TCERG1L: variants seen among roughly 807,000 people sequenced by gnomAD.
TCERG1L encodes the protein transcription elongation regulator 1 like.
TCERG1L carries 37 observed loss-of-function variants against 56.3 expected under a neutral mutation model. The observed-to-expected ratio is 0.66, with a 90% CI of 0.51 to 0.87. TCERG1L has a LOEUF of 0.87. TCERG1L is among the 40% of genes least tolerant of loss of function. The probability of loss-of-function intolerance (pLI) is 0.00; values close to 1 mark genes in which losing one functional copy is unlikely to be tolerated. For synonymous variants in TCERG1L, 324 were observed against 326.3 expected, an observed-to-expected ratio of 0.99 and a Z score of 0.08; for missense variants, 799 against 774.2, an observed-to-expected ratio of 1.03 and a Z score of -0.38.
At chr10:131,166,720 C>G (rs1435544019) in intron 5 of TCERG1L, 77 bp downstream of exon 5, 3 of 1,401,692 alleles carry the variant, frequency 2.1e-6, no homozygotes, top group South Asian at 2.4e-5. Flanking sequence ...AGCAAACAAG[C>G]GTGAGGGTGT....
intron 7 of TCERG1L, among the ~76,000 whole-genome samples, chr10:131,134,837 C>T (rs1845657527): frequency 6.6e-6 from 1 of 152,134 alleles, no homozygotes; most frequent in Admixed American, 6.5e-5. Flanking sequence ...CGGCCACTGC[C>T]CCAGGGAAGG....
rs1846297092 is a variant in TCERG1L, at chr10:131,267,225, G to A, written c.671-6781C>T. On this transcript the variant is annotated intron_variant, in intron 3 of 11. Transcript: ENST00000368642. This position sits in a 1 kb window ranked among gnomAD's most constrained non-coding sequence, Gnocchi z 4.9. ...TTGGTGCCCAAAGTCCAGAGAATCT[G>A]AGGCAGCAGGGCACTGCACATGAGC... is the stretch of plus-strand genomic sequence containing the variant. Among the ~76,000 whole-genome samples the A allele has an allele frequency of 6.6e-6, 1 of 152,140 alleles. No individual in the cohort carries two copies. The highest frequency in any genetic ancestry group is 6.5e-5 in the Admixed American group (1 of 15,284).
intron 4 of TCERG1L, among the ~76,000 whole-genome samples, chr10:131,225,475 G>A (rs1338598782): frequency 6.6e-6 from 1 of 152,158 alleles, no homozygotes; most frequent in African/African-American, 2.4e-5. Flanking sequence ...AAGGTATCCA[G>A]GACACCAGCT....
At chr10:131,171,336 C>G (rs899648205) in intron 4 of TCERG1L, among the ~76,000 whole-genome samples, 1 of 152,102 alleles carries the variant, frequency 6.6e-6, no homozygotes, top group African/African-American at 2.4e-5. Flanking sequence ...GTGCCTGACC[C>G]GGGGTCAGGG....
chr10:131,229,584 C>T (rs1478270328), intron 4 of TCERG1L, among the ~76,000 whole-genome samples: 4 of 152,100 alleles, frequency 2.6e-5, no homozygotes, highest in African/African-American at 7.2e-5. Flanking sequence ...TACCAATTAG[C>T]GCAGCCATCA....
chr10:131,109,897 G>T (rs935808187), intron 9 of TCERG1L, among the ~76,000 whole-genome samples: 1 of 152,266 alleles, frequency 6.6e-6, no homozygotes, highest in Non-Finnish European at 1.5e-5. Context: ...AGAGGAGGCG[G>T]TGTGGATGCA....
chr10:131,143,271 C>T lies in TCERG1L; in HGVS notation c.1189+3235G>A, dbSNP rs909725178. Among the ~76,000 whole-genome samples, 5 of 152,262 alleles carry T rather than the reference C, an allele frequency of 3.3e-5. No homozygotes were observed. In the South Asian group the frequency reaches 6.2e-4, roughly 19 times the overall value. On this transcript the variant is annotated intron_variant, in intron 7 of 11. Coordinates refer to ENST00000368642, the MANE Select transcript of TCERG1L (RefSeq NM_174937.4). ...TGCACGCACCCAGGGTCCCTGCAGG[C>T]GGTCCCTCCCCTCTCCAAGGCAGTG...
At chr10:131,253,357 T>G (rs1417130506) in intron 4 of TCERG1L, among the ~76,000 whole-genome samples, 1 of 151,970 alleles carries the variant, frequency 6.6e-6, no homozygotes, top group Non-Finnish European at 1.5e-5. Flanking sequence ...TTAGGTAAAC[T>G]GGTCTTCAGT....
intron 4 of TCERG1L, among the ~76,000 whole-genome samples, chr10:131,233,091 G>A (rs1027048654): frequency 7.9e-5 from 12 of 152,314 alleles, no homozygotes; most frequent in South Asian, 2.1e-4. Flanking sequence ...CGATGTTAGC[G>A]TATGTGAGGC....
At chr10:131,185,954 T>C (rs923755300) in intron 4 of TCERG1L, among the ~76,000 whole-genome samples, 2 of 152,170 alleles carry the variant, frequency 1.3e-5, no homozygotes, top group Admixed American at 6.5e-5. Context: ...GTGGACGTAA[T>C]GTACATGAGC....
intron 8 of TCERG1L, 31 bp downstream of exon 8, chr10:131,134,348 A>C: frequency 1.3e-6 from 2 of 1,558,778 alleles, no homozygotes; most frequent in Non-Finnish European, 1.7e-6. Context: ...CAGTAGGGAA[A>C]GATCTGCTGG....
chr10:131,220,763 G>A (rs184800819), intron 4 of TCERG1L, among the ~76,000 whole-genome samples: 2 of 152,302 alleles, frequency 1.3e-5, no homozygotes, highest in East Asian at 1.9e-4. Flanking sequence ...CTGCAAAGCT[G>A]CCCAAACCCT....
At chr10:131,116,177 G>A (rs1056881964) in intron 9 of TCERG1L, among the ~76,000 whole-genome samples, 1 of 152,208 alleles carries the variant, frequency 6.6e-6, no homozygotes, top group African/African-American at 2.4e-5. Context: ...AAGGAGATCT[G>A]AATACAAAAT....
intron 5 of TCERG1L, among the ~76,000 whole-genome samples, chr10:131,164,445 T>C (rs1285928066): frequency 6.6e-6 from 1 of 152,146 alleles, no homozygotes; most frequent in African/African-American, 2.4e-5. Context: ...AGTAGAACCA[T>C]ATATCACAAA....
At position 131,228,503 on chromosome 10, in the gene TCERG1L, T is replaced by C. The variant is rs188264248; in HGVS notation, c.856+31756A>G. On this transcript the variant is annotated intron_variant, in intron 4 of 11. Coordinates refer to ENST00000368642, the MANE Select transcript of TCERG1L (RefSeq NM_174937.4). ...TCCAGACAGGCATTTCCTCAAGGTC[T>C]CTGGAGTCTCCACTCCAGAAAGGCA... Among the ~76,000 whole-genome samples the C allele has an allele frequency of 2.0e-3, 56 of 27,894 alleles. 1 individual carries two copies. Among genetic ancestry groups the C allele is most frequent in the Non-Finnish European group, 3.4e-3 (51 of 15,022 alleles). 18.3% of individuals were successfully genotyped at this position (27,894 alleles called of 152,430 possible). A position where few individuals can be genotyped will look rare whatever the true frequency, so the allele number is the denominator to read the frequency against.
intron 9 of TCERG1L, among the ~76,000 whole-genome samples, chr10:131,115,014 C>T (rs1845442432): frequency 6.6e-6 from 1 of 152,250 alleles, no homozygotes; most frequent in African/African-American, 2.4e-5. Context: ...TGCACGTGCA[C>T]CTGTGGGTCA....
intron 4 of TCERG1L, among the ~76,000 whole-genome samples, chr10:131,200,677 A>G (rs1845422355): frequency 6.6e-6 from 1 of 152,206 alleles, no homozygotes; most frequent in South Asian, 2.1e-4. Context: ...TGCGCTTTTG[A>G]GTTGATGCTA....
At chr10:131,214,599 T>C (rs1845650159) in intron 4 of TCERG1L, among the ~76,000 whole-genome samples, 1 of 152,240 alleles carries the variant, frequency 6.6e-6, no homozygotes, top group African/African-American at 2.4e-5. Flanking sequence ...CCACAATGCC[T>C]GACACCCAGG....
chr10:131,113,579 C>T (rs1463829362), intron 9 of TCERG1L, among the ~76,000 whole-genome samples: 1 of 142,292 alleles, frequency 7.0e-6, no homozygotes, highest in Non-Finnish European at 1.6e-5. Flanking sequence ...ATCGTCACAG[C>T]GAAGCCTGCA....
Sources: gnomAD v4.1 joint callset for allele counts (sites outside exome capture counted in the v4.1 genomes callset) on GRCh38, gnomAD v4.1.1 for gene constraint, Gnocchi (gnomAD v3.1) non-coding constraint, MANE v1.5 for transcripts, NCBI Gene and HGNC (gene_info 2026-07-23, HGNC 2026-07-21) for gene names.